The following UNC13C variants were observed in gnomAD, a reference collection of about 807,000 sequenced individuals.
The protein encoded by UNC13C is protein unc-13 homolog C.
UNC13C carries 174 observed loss-of-function variants against 245.4 expected under a neutral mutation model. That is an observed-to-expected ratio of 0.71 (90% confidence interval 0.63 to 0.80). The LOEUF (loss-of-function observed/expected upper bound fraction) is 0.80. UNC13C is among the 30% of genes least tolerant of loss of function. The pLI is 0.00. For missense variants in UNC13C, 2,829 were observed against 2,602.9 expected (o/e 1.09, Z -1.89); for synonymous variants, 992 against 895.1 (o/e 1.11, Z -1.93).
At chr15:54,560,681 T>A (rs764100446) in intron 29 of UNC13C, among the ~76,000 whole-genome samples, 58 of 152,020 alleles carry the variant, frequency 3.8e-4, no homozygotes, top group Admixed American at 8.5e-4. Context: ...GGCTATGAAT[T>A]ACAAAAGTAA....
intron 30 of UNC13C, among the ~76,000 whole-genome samples, chr15:54,581,228 A>G (rs1328469087): frequency 6.6e-6 from 1 of 152,152 alleles, no homozygotes; most frequent in African/African-American, 2.4e-5. Flanking sequence ...TCAAGTAAAG[A>G]AAGGAGAAAA....
the UNC13C span, among the ~76,000 whole-genome samples, chr15:53,958,510 T>C: frequency 6.6e-6 from 1 of 152,164 alleles, no homozygotes; most frequent in Non-Finnish European, 1.5e-5. Context: ...TGAATACAGA[T>C]GCTTCAGCTT....
chr15:54,401,572 CAATT>C (rs1409492317), intron 18 of UNC13C, among the ~76,000 whole-genome samples: 1 of 152,066 alleles, frequency 6.6e-6, no homozygotes, highest in Non-Finnish European at 1.5e-5. Flanking sequence ...AGGTGATCAA[CAATT>C]AAGTCAGAAT....
chr15:54,038,124 A>ATATTTTT, intron 2 of UNC13C, among the ~76,000 whole-genome samples: 3 of 45,034 alleles, frequency 6.7e-5, no homozygotes, highest in African/African-American at 3.2e-4. Context: ...ATATATATAT[A>ATATTTTT]TTTTTTTTTT....
Position 54,627,149 on chromosome 15 carries a change from G to GTT in UNC13C, c.*38_*39dup. 6.4e-7 allele frequency: 1 copy of GTT among 1,565,216 alleles called. No homozygotes were observed. Among genetic ancestry groups the GTT allele is most frequent in the Non-Finnish European group, 8.7e-7 (1 of 1,154,968 alleles). On this transcript the variant is annotated 3_prime_UTR_variant, in exon 33 of 33. Transcript: ENST00000260323. ...GCAAGCTAAATACATAACTATAATT[G>GTT]TTTGACTACTGCATGCATGTGCAAA...
At chr15:54,220,531 G>T (rs970601996) in intron 4 of UNC13C, among the ~76,000 whole-genome samples, 5 of 151,210 alleles carry the variant, frequency 3.3e-5, no homozygotes, top group African/African-American at 1.2e-4. Flanking sequence ...CACCAGCATG[G>T]CACATGTATA....
intron 1 of UNC13C, among the ~76,000 whole-genome samples, chr15:53,981,449 AG>A (rs1254152468): frequency 2.0e-5 from 3 of 152,198 alleles, no homozygotes; most frequent in Non-Finnish European, 4.4e-5. Flanking sequence ...CTTTCTAAAT[AG>A]GTCATAGTTT....
At position 54,333,875 on chromosome 15, in the gene UNC13C, G is replaced by C; in HGVS notation, c.4584+19G>C. On this transcript the variant is annotated intron_variant, in intron 16 of 32. Coordinates refer to ENST00000260323, the MANE Select transcript of UNC13C (RefSeq NM_001080534.3). The stretch of plus-strand genomic sequence containing the variant: ...GATGAAGGTATCTCATTTTATTTCT[G>C]TCACTGTTTTGTTGTGACATAGAAT... 1.3e-6 allele frequency: 2 copies of C among 1,558,200 alleles called. No homozygotes were observed. Among genetic ancestry groups the C allele is most frequent in the Non-Finnish European group, 8.8e-7 (1 of 1,141,654 alleles).
intron 7 of UNC13C, among the ~76,000 whole-genome samples, chr15:54,247,808 A>G (rs2036035817): frequency 6.6e-6 from 1 of 151,584 alleles, no homozygotes; most frequent in African/African-American, 2.4e-5. Flanking sequence ...CTCTCCCTTT[A>G]CATGAAATGA....
chr15:54,194,125 AG>A (rs1177426854), intron 4 of UNC13C, among the ~76,000 whole-genome samples: 1 of 152,150 alleles, frequency 6.6e-6, no homozygotes, highest in African/African-American at 2.4e-5. Context: ...GTAGGAAGCA[AG>A]GTTTGCAGAG....
intron 2 of UNC13C, among the ~76,000 whole-genome samples, chr15:54,036,121 T>C (rs192564149): frequency 1.3e-5 from 2 of 152,230 alleles, no homozygotes; most frequent in African/African-American, 4.8e-5. Context: ...TTCAGTCTTG[T>C]ATTCATTCTC....
intron 1 of UNC13C, among the ~76,000 whole-genome samples, chr15:53,987,646 C>T (rs1487581582): frequency 2.0e-5 from 3 of 151,952 alleles, no homozygotes; most frequent in Admixed American, 1.3e-4. Context: ...GAGGACTCAG[C>T]AATTGGCTCT....
At chr15:53,877,980 A>G in the UNC13C span, among the ~76,000 whole-genome samples, 1 of 152,166 alleles carries the variant, frequency 6.6e-6, no homozygotes, top group Non-Finnish European at 1.5e-5. Context: ...TTTTTGTTCA[A>G]TATACATTTT....
intron 12 of UNC13C, 34 bp from the exon 13 acceptor site, chr15:54,300,176 A>T: frequency 6.3e-7 from 1 of 1,574,986 alleles, no homozygotes. Context: ...TATTCTGAGG[A>T]ATCACTGAAC....
At chr15:54,280,777 T>A (rs2036972309) in intron 10 of UNC13C, among the ~76,000 whole-genome samples, 1 of 139,318 alleles carries the variant, frequency 7.2e-6, no homozygotes, top group African/African-American at 2.8e-5. Context: ...TACATATATA[T>A]ATATACACAT....
chr15:54,480,261 T>G (rs1030324959), intron 19 of UNC13C, among the ~76,000 whole-genome samples: 1 of 151,664 alleles, frequency 6.6e-6, no homozygotes, highest in African/African-American at 2.4e-5. Flanking sequence ...GTCTTTATTA[T>G]TTATTTATTA....
chr15:54,026,848 G>T (rs1896130894), intron 2 of UNC13C, among the ~76,000 whole-genome samples: 1 of 152,108 alleles, frequency 6.6e-6, no homozygotes, highest in Non-Finnish European at 1.5e-5. Flanking sequence ...TCCTGGCTGG[G>T]CGTCTGGGAT....
At chr15:54,575,340 C>T (rs1174164609) in intron 30 of UNC13C, among the ~76,000 whole-genome samples, 1 of 152,202 alleles carries the variant, frequency 6.6e-6, no homozygotes, top group Non-Finnish European at 1.5e-5. Flanking sequence ...TATCCAAGCA[C>T]ACTTTTATTG....
Position 54,456,590 on chromosome 15 carries a change from TTTTATTTATTTA to T in UNC13C, c.4934-37984_4934-37973del, listed in dbSNP as rs71105811. On this transcript the variant is annotated intron_variant, in intron 19 of 32. Transcript: ENST00000260323. The stretch of plus-strand genomic sequence containing the variant: ...CTTTTGTTAGGTTTACTCCTATGTA[TTTTATTTATTTA>T]TTTATTTATTTATTTATTTATTTAT... Among the ~76,000 whole-genome samples the T allele has an allele frequency of 8.9e-3, 1,273 of 142,784 alleles. 3 individuals are homozygous for T. The highest frequency in any genetic ancestry group is 0.011 in the Non-Finnish European group (728 of 65,316). The allele number at this position is 142,784 out of a possible 152,430, so 93.7% of individuals were successfully genotyped here.
Sources: gnomAD v4.1 joint callset for allele counts (sites outside exome capture counted in the v4.1 genomes callset) on GRCh38, gnomAD v4.1.1 for gene constraint, MANE v1.5 for transcripts, NCBI Gene and HGNC (gene_info 2026-07-23, HGNC 2026-07-21) for gene names.